The following ZNF79 variants were observed in gnomAD, a reference collection of about 807,000 sequenced individuals.
ZNF79 encodes ZNFpT7.
In ZNF79, 13 loss-of-function variants were observed where a neutral mutation model predicts 14.9. That is an observed-to-expected ratio of 0.87 (90% CI 0.57 to 1.38). ZNF79 has a LOEUF of 1.38. ZNF79 is among the 40% of genes most tolerant of loss of function. The pLI, the probability that ZNF79 is intolerant of heterozygous loss-of-function variation, is 0.00. For missense variants in ZNF79, 631 were observed against 630.6 expected, an observed-to-expected ratio of 1.00 and a Z score of -0.01; for synonymous variants, 223 against 235.1, an observed-to-expected ratio of 0.95 and a Z score of 0.47.
chr9:127,425,759 A>C (rs967496447), intron 1 of ZNF79, among the ~76,000 whole-genome samples: 3 of 152,078 alleles, frequency 2.0e-5, no homozygotes. Flanking sequence ...AGTCCAGCTA[A>C]TTTTTGTATT....
intron 4 of ZNF79, 60 bp downstream of exon 4, chr9:127,436,063 G>T (rs4500179): frequency 1.5e-6 from 2 of 1,364,626 alleles, no homozygotes; most frequent in African/African-American, 1.4e-5. Context: ...TTTAAATCAC[G>T]CATGAGTGTA....
rs555562565 is a variant in ZNF79, at chr9:127,444,736, G to C, written c.1036G>C (p.Ala346Pro). ...GTGTGGGAAGGCCTTCAGTTACTGC[G>C]CAGCGTTCATTCAGCACCAGAGGAT... Reference protein sequence around the residue: ...SECGKAFSYCAAFIQHQRIHT... With the variant: ...SECGKAFSYCPAFIQHQRIHT... The change falls in exon 5 of 5, where the codon GCA becomes CCA. Residue 346 changes from alanine (A) to proline (P), a missense_variant. By Grantham distance (27) the Ala-to-Pro change is conservative. Coordinates refer to ENST00000342483, the MANE Select transcript of ZNF79 (RefSeq NM_007135.3). The C allele has an allele frequency of 1.3e-6, 2 of 1,586,704 alleles. No individual in the cohort carries two copies. The highest frequency in any genetic ancestry group is 2.9e-5 in the African/African-American group (2 of 68,692).
At chr9:127,438,305 C>A (rs1233457462) in intron 4 of ZNF79, among the ~76,000 whole-genome samples, 1 of 152,164 alleles carries the variant, frequency 6.6e-6, no homozygotes, top group Non-Finnish European at 1.5e-5. Flanking sequence ...CCACGACCCC[C>A]CTTTGGATTA....
chr9:127,435,724 C>T (rs1833935067), intron 3 of ZNF79, among the ~76,000 whole-genome samples, 184 bp from the exon 4 acceptor site: 1 of 152,134 alleles, frequency 6.6e-6, no homozygotes, highest in Admixed American at 6.5e-5. Context: ...TTAAAAAGAC[C>T]TTGGCACCAT....
chr9:127,435,629 C>T lies in ZNF79; in HGVS notation c.233-279C>T, dbSNP rs112261122. 2.6e-5 allele frequency among the ~76,000 whole-genome samples: 4 copies of T among 152,258 alleles called. 1 individual carries two copies. Among genetic ancestry groups the T allele is most frequent in the African/African-American group, 9.6e-5 (4 of 41,540 alleles). On this transcript the variant is annotated intron_variant, in intron 3 of 4. Coordinates refer to ENST00000342483, the MANE Select transcript of ZNF79 (RefSeq NM_007135.3). ...AGGTGGCTCACACCTGTAATCCCAGCATTTTGGGAGGCCAAGGTGGAACAG... is the reference window on the plus strand; with the variant it reads ...AGGTGGCTCACACCTGTAATCCCAGTATTTTGGGAGGCCAAGGTGGAACAG...
At chr9:127,424,957 C>A in intron 1 of ZNF79, 154 bp downstream of exon 1, 1 of 1,504,302 alleles carries the variant, frequency 6.6e-7, no homozygotes, top group South Asian at 1.3e-5. Flanking sequence ...TGACACAGCC[C>A]CAGGAGATCC....
At chr9:127,443,627 C>A (rs181457581) in intron 4 of ZNF79, among the ~76,000 whole-genome samples, 1 of 151,922 alleles carries the variant, frequency 6.6e-6, no homozygotes, top group Non-Finnish European at 1.5e-5. Flanking sequence ...GGTGGCTGGG[C>A]GCGGTGGCTC....
chr9:127,437,374 A>G (rs1042431779), intron 4 of ZNF79, among the ~76,000 whole-genome samples: 1 of 149,540 alleles, frequency 6.7e-6, no homozygotes, highest in African/African-American at 2.5e-5. Context: ...TGTGTTCTAT[A>G]TAGTCTATAC....
chr9:127,436,084 A>G (rs1185555131), intron 4 of ZNF79, 81 bp downstream of exon 4: 12 of 1,205,588 alleles, frequency 1.0e-5, no homozygotes, highest in East Asian at 4.7e-5. Flanking sequence ...TTTGATTATC[A>G]TAACAACTGT....
intron 4 of ZNF79, 116 bp downstream of exon 4, chr9:127,436,119 C>CA (rs1833944387): frequency 1.2e-6 from 1 of 812,140 alleles, no homozygotes; most frequent in African/African-American, 1.7e-5. Flanking sequence ...TACCCCCATT[C>CA]TACAGATGAG....
intron 2 of ZNF79, among the ~76,000 whole-genome samples, chr9:127,429,269 G>A (rs1401918461): frequency 1.3e-5 from 2 of 151,922 alleles, no homozygotes; most frequent in East Asian, 1.9e-4. Context: ...GCCCGACTTG[G>A]CCTCCCAAAG....
At chr9:127,433,443 G>T (rs1833894475) in intron 2 of ZNF79, among the ~76,000 whole-genome samples, 1 of 152,176 alleles carries the variant, frequency 6.6e-6, no homozygotes, top group Non-Finnish European at 1.5e-5. Flanking sequence ...TGAGGTTCCT[G>T]TGGGGCCTGA....
At chr9:127,436,510 A>G (rs1833950759) in intron 4 of ZNF79, among the ~76,000 whole-genome samples, 1 of 152,146 alleles carries the variant, frequency 6.6e-6, no homozygotes, top group Admixed American at 6.5e-5. Flanking sequence ...AATTTTCCAA[A>G]GGGCTGATAC....
rs530468221 is a variant in ZNF79 at position 127,426,838 on chromosome 9, T to C, written c.17-1994T>C. On this transcript the variant is annotated intron_variant, in intron 1 of 4. Coordinates refer to ENST00000342483, the MANE Select transcript of ZNF79 (RefSeq NM_007135.3). ...ACTTAGAAGTGGAATTACTGCGTCA[T>C]ACAACCCTCTTTGACTTTCACAGGA... 5.3e-5 allele frequency among the ~76,000 whole-genome samples: 8 copies of C among 152,304 alleles called. No homozygotes were observed. The South Asian group carries it at 1.4e-3, about 28-fold the overall frequency.
intron 4 of ZNF79, among the ~76,000 whole-genome samples, chr9:127,443,130 G>A (rs1414359451): frequency 6.6e-6 from 1 of 152,258 alleles, no homozygotes; most frequent in East Asian, 1.9e-4. Context: ...GGAGTACAGT[G>A]TAAAATAACT....
intron 4 of ZNF79, 61 bp from the exon 5 acceptor site, chr9:127,443,968 C>T: frequency 6.8e-7 from 1 of 1,472,148 alleles, no homozygotes; most frequent in Non-Finnish European, 9.1e-7. Flanking sequence ...TGGCCAGACT[C>T]CTTCAGCCTT....
intron 1 of ZNF79, 48 bp downstream of exon 1, chr9:127,424,851 C>T (rs1295352920): frequency 3.7e-6 from 6 of 1,611,884 alleles, no homozygotes; most frequent in South Asian, 2.2e-5. Flanking sequence ...GCTGCTGCTT[C>T]GTTTGCCCAC....
chr9:127,437,345 C>CA (rs138821072), intron 4 of ZNF79, among the ~76,000 whole-genome samples: 4 of 151,766 alleles, frequency 2.6e-5, no homozygotes, highest in African/African-American at 7.3e-5. Flanking sequence ...AAGGCCCCCC[C>CA]CCGCTGCCTG....
In ZNF79 at chr9:127,424,737, C is replaced by G. The variant is rs540514311; in HGVS notation, c.-51C>G. 1.8e-4 allele frequency: 293 copies of G among 1,613,048 alleles called. 6 individuals carry two copies. In the South Asian group the frequency reaches 3.2e-3, roughly 17 times the overall value. ...CGGGGTGGGGGCTGCTGTAGATAGACCCTTACGCCCAGAGAACTGCTGGGA... is the reference window on the plus strand; with the variant it reads ...CGGGGTGGGGGCTGCTGTAGATAGAGCCTTACGCCCAGAGAACTGCTGGGA... On this transcript the variant is annotated 5_prime_UTR_variant, in exon 1 of 5. Coordinates refer to ENST00000342483, the MANE Select transcript of ZNF79 (RefSeq NM_007135.3).
Sources: gnomAD v4.1 joint callset for allele counts (sites outside exome capture counted in the v4.1 genomes callset) on GRCh38, gnomAD v4.1.1 for gene constraint, MANE v1.5 for transcripts, NCBI Gene and HGNC (gene_info 2026-07-23, HGNC 2026-07-21) for gene names.